ZNF710: variants seen among roughly 807,000 people sequenced by gnomAD.
ZNF710 encodes the protein zinc finger protein 710.
Under a neutral mutation model 50.6 loss-of-function variants are expected in ZNF710, and 13 were observed. That is an observed-to-expected ratio of 0.26 (90% CI 0.17 to 0.41). The LOEUF (loss-of-function observed/expected upper bound fraction) is 0.41, where lower values mean the gene tolerates loss of function less well. Among genes scored for constraint, ZNF710 ranks in the 10% least tolerant of loss-of-function variants. The pLI is 1.00. For synonymous variants in ZNF710, 383 were observed against 397.0 expected, an observed-to-expected ratio of 0.96 and a Z score of 0.42; for missense variants, 721 against 936.6, an observed-to-expected ratio of 0.77 and a Z score of 3.01.
chr15:90,061,395 C>T (rs1900003807), intron 1 of ZNF710, among the ~76,000 whole-genome samples: 1 of 152,076 alleles, frequency 6.6e-6, no homozygotes, highest in South Asian at 2.1e-4. Context: ...TGGTCACAAA[C>T]TCCTGAGCTC....
chr15:90,019,195 T>C (rs1898542403), intron 1 of ZNF710, among the ~76,000 whole-genome samples: 2 of 147,778 alleles, frequency 1.4e-5, no homozygotes, highest in East Asian at 1.9e-4. Context: ...TTCTTTTTTT[T>C]TTTTTTTTTT....
At chr15:90,010,375 G>C (rs563698857) in intron 1 of ZNF710, among the ~76,000 whole-genome samples, 1 of 152,074 alleles carries the variant, frequency 6.6e-6, no homozygotes. Context: ...TGCAACCTCC[G>C]CCTCCTAGGC....
chr15:90,018,650 C>T (rs1898523865), intron 1 of ZNF710, among the ~76,000 whole-genome samples: 1 of 152,158 alleles, frequency 6.6e-6, no homozygotes, highest in African/African-American at 2.4e-5. Context: ...CACCTTGGCC[C>T]CTGCCTGCCC....
intron 1 of ZNF710, among the ~76,000 whole-genome samples, chr15:90,038,472 G>A (rs148467043): frequency 1.5e-3 from 227 of 152,274 alleles, no homozygotes; most frequent in Middle Eastern, 0.01. Context: ...CGTTAAGTAC[G>A]TCAGCAGGTA....
At chr15:90,018,001 G>T (rs1898501140) in intron 1 of ZNF710, among the ~76,000 whole-genome samples, 1 of 151,886 alleles carries the variant, frequency 6.6e-6, no homozygotes, top group Admixed American at 6.6e-5. Flanking sequence ...ACAGTGTGCT[G>T]TGAGCGCTCT....
intron 1 of ZNF710, among the ~76,000 whole-genome samples, chr15:90,049,580 A>G (rs1331321445): frequency 6.6e-6 from 1 of 152,164 alleles, no homozygotes; most frequent in Non-Finnish European, 1.5e-5. Flanking sequence ...AAGCTCCTAC[A>G]GGTCATCCTC....
chr15:90,019,486 A>G (rs906473370), intron 1 of ZNF710, among the ~76,000 whole-genome samples: 3 of 152,170 alleles, frequency 2.0e-5, no homozygotes, highest in Non-Finnish European at 4.4e-5. Context: ...GTTCGTCTAG[A>G]TGGGTAAATT....
chr15:90,027,710 G>A (rs984727854), intron 1 of ZNF710, among the ~76,000 whole-genome samples: 6 of 152,038 alleles, frequency 3.9e-5, no homozygotes. Context: ...AAATTAGCTG[G>A]ATGTGGTGGT....
intron 1 of ZNF710, among the ~76,000 whole-genome samples, chr15:90,060,729 G>A (rs1037426607): frequency 3.3e-5 from 5 of 152,082 alleles, no homozygotes; most frequent in East Asian, 1.9e-4. Context: ...GGTGGTGGGC[G>A]CCTGTAATCC....
intron 4 of ZNF710, chr15:90,075,454 C>G (rs1001091175): frequency 3.9e-5 from 6 of 152,208 alleles, no homozygotes; most frequent in African/African-American, 1.2e-4. Context: ...CCCAGGAGTT[C>G]AAGGCTGTAG....
chr15:90,052,980 C>G (rs557986742), intron 1 of ZNF710, among the ~76,000 whole-genome samples: 2 of 151,376 alleles, frequency 1.3e-5, no homozygotes, highest in Admixed American at 1.3e-4. Flanking sequence ...GTCTATCTCC[C>G]TGGGACAGCC....
At chr15:90,046,474 AGAGGAGGGTG>A (rs1229163812) in intron 1 of ZNF710, among the ~76,000 whole-genome samples, 1 of 152,118 alleles carries the variant, frequency 6.6e-6, no homozygotes, top group South Asian at 2.1e-4. Context: ...CAAGAAGACT[AGAGGAGGGTG>A]GAGGAGGGCG....
At chr15:90,041,243 C>T (rs1176722363) in intron 1 of ZNF710, among the ~76,000 whole-genome samples, 2 of 152,010 alleles carry the variant, frequency 1.3e-5, no homozygotes, top group South Asian at 4.1e-4. Flanking sequence ...ACTCTGTCAC[C>T]CAAGCTAGAA....
chr15:90,068,619 G>A lies in ZNF710; in HGVS notation c.1458+24G>A. 6.4e-7 allele frequency: 1 copy of A among 1,554,140 alleles called. No individual in the cohort carries two copies. The highest frequency in any genetic ancestry group is 8.7e-7 in the Non-Finnish European group (1 of 1,151,394). ...AGGTAAGGCCGTTCCCAGGGCCTGG[G>A]CATCTGCCTGCCCCTCCTGCCACTT... On this transcript the variant is annotated intron_variant, in intron 2 of 4. Transcript: ENST00000268154. The surrounding 1 kb of genome is among the most constrained non-coding windows in gnomAD (Gnocchi z 5.0).
intron 1 of ZNF710, among the ~76,000 whole-genome samples, chr15:90,064,177 G>A (rs1308668984): frequency 6.6e-6 from 1 of 152,272 alleles, no homozygotes; most frequent in Non-Finnish European, 1.5e-5. Context: ...TGTCGCGACA[G>A]GAGGCAGCCA....
At chr15:90,030,854 A>T (rs1898920550) in intron 1 of ZNF710, among the ~76,000 whole-genome samples, 1 of 151,538 alleles carries the variant, frequency 6.6e-6, no homozygotes, top group African/African-American at 2.4e-5. Context: ...GTCTCTACTT[A>T]AAAAAATACA....
At chr15:90,051,952 G>A (rs1451317203) in intron 1 of ZNF710, among the ~76,000 whole-genome samples, 1 of 152,126 alleles carries the variant, frequency 6.6e-6, no homozygotes, top group East Asian at 1.9e-4. Flanking sequence ...AGAGCTGGGG[G>A]TGGAGGACAG....
intron 1 of ZNF710, among the ~76,000 whole-genome samples, chr15:90,007,858 T>C (rs995641020): frequency 8.6e-5 from 13 of 151,700 alleles, no homozygotes. Flanking sequence ...ATGTAAAACA[T>C]AGAAAGCATT....
At position 90,008,426 on chromosome 15, in the gene ZNF710, G is replaced by GTGTATATATATATATACA. The variant is rs1257714024; in HGVS notation, c.-29+6813_-29+6814insGTATATATATATATACAT. Among the ~76,000 whole-genome samples the GTGTATATATATATATACA allele has an allele frequency of 1.6e-5, 2 of 124,272 alleles. 1 individual carries two copies. The highest frequency in any genetic ancestry group is 7.6e-5 in the African/African-American group (2 of 26,344). 81.5% of individuals were successfully genotyped at this position (124,272 alleles called of 152,430 possible). On this transcript the variant is annotated intron_variant, in intron 1 of 4. Transcript: ENST00000268154. ...ATAGTATACGTGTGTGTGTGTGTGT[G>GTGTATATATATATATACA]TATATATATATATACATATATATAT...
Sources: allele counts gnomAD v4.1 joint callset (sites outside exome capture counted in the v4.1 genomes callset), GRCh38; gene constraint gnomAD v4.1.1; non-coding constraint Gnocchi (gnomAD v3.1); transcripts MANE v1.5; gene names NCBI Gene and HGNC (gene_info 2026-07-23, HGNC 2026-07-21).